Variants in CLASP2 observed in about 807,000 individuals in gnomAD.
The protein encoded by CLASP2 is cytoplasmic linker associated protein 2, also known as CLIP-associating protein 2.
In CLASP2, 47 loss-of-function variants were observed where a neutral mutation model predicts 194.4. The ratio of observed to expected loss-of-function variants is 0.24; its 90% CI spans 0.19 to 0.31. CLASP2 has a LOEUF of 0.31. Ranked by LOEUF, CLASP2 falls within the 10% of genes least tolerant of loss-of-function variation. The pLI, the probability that CLASP2 is intolerant of heterozygous loss-of-function variation, is 1.00. For missense variants in CLASP2, 1,445 were observed against 1,823.6 expected, an observed-to-expected ratio of 0.79 and a Z score of 3.78; for synonymous variants, 619 against 633.5, an observed-to-expected ratio of 0.98 and a Z score of 0.34.
intron 6 of CLASP2, among the ~76,000 whole-genome samples, chr3:33,673,353 G>C (rs1401246604): frequency 6.6e-6 from 1 of 152,192 alleles, no homozygotes; most frequent in Non-Finnish European, 1.5e-5. Flanking sequence ...AGCTTCAGAA[G>C]TGAAGGAGAA....
chr3:33,514,141 T>G (rs1455849805), intron 36 of CLASP2, among the ~76,000 whole-genome samples: 1 of 152,080 alleles, frequency 6.6e-6, no homozygotes, highest in Non-Finnish European at 1.5e-5. Flanking sequence ...GTGTCCACCA[T>G]GACACCTGGC....
Position 33,606,593 on chromosome 3 carries a change from G to A in CLASP2, c.1692C>T (p.Leu564=), listed in dbSNP as rs756027208. The A allele has an allele frequency of 6.2e-7, 1 of 1,612,198 alleles. No individual in the cohort carries two copies. The highest frequency in any genetic ancestry group is 8.5e-7 in the Non-Finnish European group (1 of 1,178,942). The change falls in exon 16 of 39, where the codon CTC becomes CTT. Residue 564 remains leucine, a splice_region_variant and synonymous_variant. Transcript: ENST00000682230. ...AATCATTATTTATATGACCTTACTT[G>A]AGACTTTCCTGTGAGCTGGATGAGG... is the stretch of plus-strand genomic sequence containing the variant. ...DRSSSSSQES[L]NRPFSSKWST...
At chr3:33,534,436 G>A (rs1171823486) in intron 34 of CLASP2, among the ~76,000 whole-genome samples, 2 of 151,846 alleles carry the variant, frequency 1.3e-5, no homozygotes, top group Non-Finnish European at 2.9e-5. Context: ...AGCTGAGTAT[G>A]GTGGTCCGTA....
Position 33,688,374 on chromosome 3 carries a change from T to C in CLASP2, c.379-6A>G, listed in dbSNP as rs1359828770. 1 of 1,558,826 alleles carries C rather than the reference T, an allele frequency of 6.4e-7. No individual in the cohort carries two copies. The highest frequency in any genetic ancestry group is 2.0e-5 in the Admixed American group (1 of 49,962). On this transcript the variant is annotated splice_region_variant and splice_polypyrimidine_tract_variant and intron_variant, in intron 3 of 38. Transcript: ENST00000682230. ...GCCAACTGCTCCCAAATGTACTATT[T>C]GAAAGAAAAGTAAAAACGTATAACA... is the stretch of plus-strand genomic sequence containing the variant.
intron 1 of CLASP2, among the ~76,000 whole-genome samples, chr3:33,704,618 T>C (rs772979102): frequency 3.9e-5 from 6 of 152,038 alleles, no homozygotes; most frequent in Non-Finnish European, 7.4e-5. Flanking sequence ...CTGGGCATGG[T>C]GGCACGCGCC....
chr3:33,700,785 G>A (rs1302993530), intron 1 of CLASP2, among the ~76,000 whole-genome samples: 3 of 152,200 alleles, frequency 2.0e-5, no homozygotes, highest in East Asian at 1.9e-4. Context: ...GGGAGGCAGA[G>A]GTTACAGTGA....
intron 27 of CLASP2, among the ~76,000 whole-genome samples, chr3:33,563,000 T>C (rs1248028704): frequency 6.6e-6 from 1 of 152,108 alleles, no homozygotes. Flanking sequence ...TCTATACCTA[T>C]CCTTCTAATT....
In CLASP2 at chr3:33,542,871, T is replaced by A. The variant is rs115053590; in HGVS notation, c.3404+562A>T. ...ACAGCATCTCTGAGAAATATAACTA[T>A]GCCATTTAATGTAATAAGCAGTAAT... On this transcript the variant is annotated intron_variant, in intron 32 of 38. Coordinates refer to ENST00000682230, the MANE Select transcript of CLASP2 (RefSeq NM_001365631.1). 4.4e-3 allele frequency among the ~76,000 whole-genome samples: 672 copies of A among 152,288 alleles called. 6 individuals carry two copies. The highest frequency in any genetic ancestry group is 0.015 in the African/African-American group (638 of 41,570).
At chr3:33,665,911 G>A (rs1351141288) in intron 6 of CLASP2, among the ~76,000 whole-genome samples, 1 of 152,112 alleles carries the variant, frequency 6.6e-6, no homozygotes, top group African/African-American at 2.4e-5. Context: ...GAAGAAATTA[G>A]GAAATTCAAT....
At chr3:33,602,356 T>C in intron 18 of CLASP2, 1 of 583,314 alleles carries the variant, frequency 1.7e-6, no homozygotes, top group South Asian at 2.2e-5. Context: ...TTAGGTATGC[T>C]CAACCTGTAT....
chr3:33,545,045 A>C (rs938755276), intron 30 of CLASP2: 5 of 401,378 alleles, frequency 1.2e-5, no homozygotes, highest in African/African-American at 1.0e-4. Flanking sequence ...TAAGGTAAGA[A>C]GGGAATATGA....
At chr3:33,675,758 T>C (rs1462696709) in intron 6 of CLASP2, among the ~76,000 whole-genome samples, 1 of 142,350 alleles carries the variant, frequency 7.0e-6, no homozygotes, top group Non-Finnish European at 1.5e-5. Context: ...ACAAAATCAA[T>C]GTACAAAAAT....
At chr3:33,587,365 C>G (rs1318682050) in intron 21 of CLASP2, among the ~76,000 whole-genome samples, 1 of 152,152 alleles carries the variant, frequency 6.6e-6, no homozygotes, top group Non-Finnish European at 1.5e-5. Flanking sequence ...ACTTCATGAT[C>G]CGCCTGCCTC....
chr3:33,659,076 C>A, intron 7 of CLASP2: 1 of 1,517,472 alleles, frequency 6.6e-7, no homozygotes, highest in East Asian at 2.5e-5. Context: ...CTGGGCTCGG[C>A]CTGCAGCCTG....
chr3:33,624,331 A>G (rs942679225), intron 10 of CLASP2, among the ~76,000 whole-genome samples: 1 of 152,174 alleles, frequency 6.6e-6, no homozygotes, highest in Non-Finnish European at 1.5e-5. Context: ...ATATTATATA[A>G]TCTTGGGCAT....
At chr3:33,704,956 T>C (rs545045616) in intron 1 of CLASP2, among the ~76,000 whole-genome samples, 47 of 152,164 alleles carry the variant, frequency 3.1e-4, no homozygotes, top group Non-Finnish European at 6.3e-4. Context: ...GAATGTAAAA[T>C]GGTGCAGCCA....
At chr3:33,576,120 A>C (rs750305736) in intron 24 of CLASP2, 49 bp downstream of exon 24, 1 of 1,447,516 alleles carries the variant, frequency 6.9e-7, no homozygotes, top group Admixed American at 1.7e-5. Context: ...CTCATTCAAC[A>C]GTTTCGTAAT....
At chr3:33,576,322 T>A (rs574411693) in intron 23 of CLASP2, 47 bp from the exon 24 acceptor site, 14 of 1,473,930 alleles carry the variant, frequency 9.5e-6, no homozygotes, top group Non-Finnish European at 1.2e-5. Context: ...GTCATAAATA[T>A]AACAGTGTCA....
At position 33,663,197 on chromosome 3, in the gene CLASP2, CAA is replaced by C. The variant is rs60671856; in HGVS notation, c.715+246_715+247del. 3.3e-3 allele frequency among the ~76,000 whole-genome samples: 334 copies of C among 100,766 alleles called. 1 individual carries two copies. The highest frequency in any genetic ancestry group is 0.013 in the South Asian group (39 of 3,120). The allele number at this position is 100,766 out of a possible 152,430, so 66.1% of individuals were successfully genotyped here. A position where few individuals can be genotyped will look rare whatever the true frequency, so the allele number is the denominator to read the frequency against. ...GACACAAAAAACAAGGCAGTATCAC[CAA>C]AAAAAAAAAAAAAAAAAAGAACAGT... On this transcript the variant is annotated intron_variant, in intron 7 of 38. Transcript: ENST00000682230.
Sources: gnomAD v4.1 joint callset for allele counts (sites outside exome capture counted in the v4.1 genomes callset) on GRCh38, gnomAD v4.1.1 for gene constraint, MANE v1.5 for transcripts, NCBI Gene and HGNC (gene_info 2026-07-23, HGNC 2026-07-21) for gene names.